The following TOMM40L variants were observed in gnomAD, a reference collection of about 807,000 sequenced individuals.
The protein encoded by TOMM40L is mitochondrial import receptor subunit TOM40B.
Under a neutral mutation model 38.3 loss-of-function variants are expected in TOMM40L, and 17 were observed. The ratio of observed to expected loss-of-function variants is 0.44; its 90% CI spans 0.30 to 0.67. The LOEUF (loss-of-function observed/expected upper bound fraction) is 0.67. Among genes scored for constraint, TOMM40L ranks in the 30% least tolerant of loss-of-function variants. The pLI is 0.08. For synonymous variants in TOMM40L, 151 were observed against 150.2 expected, an observed-to-expected ratio of 1.01 and a Z score of -0.04; for missense variants, 294 against 390.0, an observed-to-expected ratio of 0.75 and a Z score of 2.07.
Position 161,226,514 on chromosome 1 carries a change from C to G in TOMM40L, c.25C>G (p.Pro9Ala), listed in dbSNP as rs1478118661. Residue 9 changes from proline (P) to alanine (A), a missense_variant, in exon 2 of 10, where the codon CCA becomes GCA. Pro to Ala is a conservative substitution (Grantham distance 27). Transcript: ENST00000367988. ...AATGGGGAACACATTGGGCCTGGCA[C>G]CAATGGGGACTTTGCCCCGCCGGAG... MGNTLGLAPMGTLPRRSPR... is the reference protein window; with the variant it reads MGNTLGLAAMGTLPRRSPR... 6.2e-7 allele frequency: 1 copy of G among 1,613,956 alleles called. No individual in the cohort carries two copies. Among genetic ancestry groups the G allele is most frequent in the Non-Finnish European group, 8.5e-7 (1 of 1,180,010 alleles).
intron 3 of TOMM40L, 77 bp from the exon 4 acceptor site, chr1:161,227,181 G>C: frequency 4.8e-6 from 7 of 1,445,148 alleles, no homozygotes; most frequent in Non-Finnish European, 6.8e-6. Flanking sequence ...TCTGGATGGG[G>C]AAAAGACTAA....
In TOMM40L at chr1:161,228,697, C is replaced by T. The variant is rs1375583940; in HGVS notation, c.685-18C>T. On this transcript the variant is annotated intron_variant, in intron 8 of 9. Coordinates refer to ENST00000367988, the MANE Select transcript of TOMM40L (RefSeq NM_032174.6). ...CACTGATACTGATCTCTCTCTCATC[C>T]TTGCCCATGGTTCTCAGGTTCAGGT... 1 of 1,608,416 alleles carries T rather than the reference C, an allele frequency of 6.2e-7. No homozygotes were observed. The highest frequency in any genetic ancestry group is 2.2e-5 in the East Asian group (1 of 44,888).
Position 161,229,068 on chromosome 1 carries a change from T to A in TOMM40L, c.900T>A (p.His300Gln). The change falls in exon 10 of 10, where the codon CAT (histidine) becomes CAA (glutamine). Residue 300 changes from histidine (H) to glutamine (Q), a missense_variant. His to Gln is a conservative substitution (Grantham distance 24). Transcript: ENST00000367988. ...AFLNHWRNRF[H>Q]CGFSITVG is the part of the protein sequence containing the mutation. Reference sequence around the variant, plus strand: ...TCAATCACTGGCGCAACAGATTCCATTGTGGCTTCAGCATCACTGTGGGCT... The same window carrying A: ...TCAATCACTGGCGCAACAGATTCCAATGTGGCTTCAGCATCACTGTGGGCT... The A allele has an allele frequency of 6.2e-7, 1 of 1,614,144 alleles. No homozygotes were observed. Among genetic ancestry groups the A allele is most frequent in the Non-Finnish European group, 8.5e-7 (1 of 1,180,006 alleles).
chr1:161,226,463 C>T lies in TOMM40L; in HGVS notation c.-27C>T, dbSNP rs1414511916. Reference sequence around the variant, plus strand: ...ATAGCGTCCTTTCACAGGCTAACCTCGGCTCTTCCCAGTCCTCTGGACTAA... The same window carrying T: ...ATAGCGTCCTTTCACAGGCTAACCTTGGCTCTTCCCAGTCCTCTGGACTAA... On this transcript the variant is annotated 5_prime_UTR_variant, in exon 2 of 10. Transcript: ENST00000367988. The T allele has an allele frequency of 6.3e-7, 1 of 1,599,304 alleles. No individual in the cohort carries two copies. Among genetic ancestry groups the T allele is most frequent in the Non-Finnish European group, 8.5e-7 (1 of 1,169,882 alleles).
chr1:161,228,085 G>T (rs1389284925), intron 6 of TOMM40L, 96 bp downstream of exon 6: 5 of 1,589,326 alleles, frequency 3.1e-6, no homozygotes, highest in Non-Finnish European at 4.3e-6. Context: ...GTTTAGAAAA[G>T]GAACTTCTTG....
At chr1:161,227,042 G>A (rs1666390951) in intron 3 of TOMM40L, 87 bp downstream of exon 3, 2 of 1,523,044 alleles carry the variant, frequency 1.3e-6, no homozygotes, top group East Asian at 4.5e-5. Flanking sequence ...TCCAGCCCTA[G>A]CCAGTCTATG....
intron 5 of TOMM40L, 67 bp from the exon 6 acceptor site, chr1:161,227,817 G>A: frequency 1.2e-6 from 2 of 1,603,042 alleles, no homozygotes; most frequent in Non-Finnish European, 1.7e-6. Flanking sequence ...GGGCTTGGAA[G>A]GAGGAGCAGA....
In TOMM40L at chr1:161,230,336, C is replaced by G. The variant is rs1440865894; in HGVS notation, c.*1241C>G. On this transcript the variant is annotated 3_prime_UTR_variant, in exon 10 of 10. Coordinates refer to ENST00000367988, the MANE Select transcript of TOMM40L (RefSeq NM_032174.6). ...CGAGCAAAACAGAAGCGGTGCATAC[C>G]TCAGAGCCTGGATAAATCACAGACT... 1 of 304,492 alleles carries G rather than the reference C, an allele frequency of 3.3e-6. No individual in the cohort carries two copies. Among genetic ancestry groups the G allele is most frequent in the African/African-American group, 2.2e-5 (1 of 45,532 alleles). 18.9% of individuals were successfully genotyped at this position (304,492 alleles called of 1,614,324 possible). A position where few individuals can be genotyped will look rare whatever the true frequency, so the allele number is the denominator to read the frequency against.
rs1666391781 is a variant in TOMM40L at position 161,227,056 on chromosome 1, G to A, written c.183+101G>A. 11 of 1,439,330 alleles carry A rather than the reference G, an allele frequency of 7.6e-6. No homozygotes were observed. The South Asian group carries it at 9.7e-5, about 13-fold the overall frequency. 89.2% of individuals were successfully genotyped at this position (1,439,330 alleles called of 1,614,324 possible). A position where few individuals can be genotyped will look rare whatever the true frequency, so the allele number is the denominator to read the frequency against. ...CTCCAGCCCTAGCCAGTCTATGTGGGACAAATGAGGGAGGATGTGGGGTTC... is the reference window on the plus strand; with the variant it reads ...CTCCAGCCCTAGCCAGTCTATGTGGAACAAATGAGGGAGGATGTGGGGTTC... On this transcript the variant is annotated intron_variant, in intron 3 of 9. Coordinates refer to ENST00000367988, the MANE Select transcript of TOMM40L (RefSeq NM_032174.6).
At position 161,229,497 on chromosome 1, in the gene TOMM40L, G is replaced by T; in HGVS notation, c.*402G>T. The T allele has an allele frequency of 5.0e-6, 4 of 800,130 alleles. No homozygotes were observed. The highest frequency in any genetic ancestry group is 5.9e-6 in the Non-Finnish European group (3 of 510,786). The allele number at this position is 800,130 out of a possible 1,614,324, so 49.6% of individuals were successfully genotyped here. ...AGCCTCCCAAGGCTGGGAAAGTAGG[G>T]CTGAAGGGCTAGATGTTTGGTCTCA... On this transcript the variant is annotated 3_prime_UTR_variant, in exon 10 of 10. Coordinates refer to ENST00000367988, the MANE Select transcript of TOMM40L (RefSeq NM_032174.6).
Position 161,230,643 on chromosome 1 carries a change from T to C in TOMM40L, c.*1548T>C. ...ACAGCAGTATCCAAATACAGCAATT[T>C]GGATGCTGAAACGATGTGAGACAGG... On this transcript the variant is annotated 3_prime_UTR_variant, in exon 10 of 10. Coordinates refer to ENST00000367988, the MANE Select transcript of TOMM40L (RefSeq NM_032174.6). 1 of 838,472 alleles carries C rather than the reference T, an allele frequency of 1.2e-6. No individual in the cohort carries two copies. The highest frequency in any genetic ancestry group is 1.8e-5 in the South Asian group (1 of 57,142). 51.9% of individuals were successfully genotyped at this position (838,472 alleles called of 1,614,324 possible). A position where few individuals can be genotyped will look rare whatever the true frequency, so the allele number is the denominator to read the frequency against.
In TOMM40L at chr1:161,229,087, G is replaced by A. The variant is rs1180331441; in HGVS notation, c.919G>A (p.Val307Met). 5 of 1,614,156 alleles carry A rather than the reference G, an allele frequency of 3.1e-6. No individual in the cohort carries two copies. The highest frequency in any genetic ancestry group is 4.2e-6 in the Non-Finnish European group (5 of 1,180,018). ...NRFHCGFSIT[V>M]G ...ATTCCATTGTGGCTTCAGCATCACT[G>A]TGGGCTGAGGTTGTCCAGAGCCAGC... is the stretch of plus-strand genomic sequence containing the variant. The change falls in exon 10 of 10, where the codon GTG (valine) becomes ATG (methionine). Residue 307 changes from valine to methionine, a missense_variant. Physicochemically the swap from Val to Met is conservative, Grantham distance 21. Transcript: ENST00000367988.
At chr1:161,227,554 C>A in intron 4 of TOMM40L, 82 bp from the exon 5 acceptor site, 1 of 1,265,786 alleles carries the variant, frequency 7.9e-7, no homozygotes. Context: ...GCGCTGTGCA[C>A]TCTTAATGAA....
chr1:161,229,199 T>A lies in TOMM40L; in HGVS notation c.*104T>A. On this transcript the variant is annotated 3_prime_UTR_variant, in exon 10 of 10. Coordinates refer to ENST00000367988, the MANE Select transcript of TOMM40L (RefSeq NM_032174.6). The stretch of plus-strand genomic sequence containing the variant: ...AGAGCCCACCTTGCTGGGTGATCTC[T>A]AGGACCCAGGAGCAGAGTGGTGGAC... 1 of 1,535,854 alleles carries A rather than the reference T, an allele frequency of 6.5e-7. No homozygotes were observed. Among genetic ancestry groups the A allele is most frequent in the Non-Finnish European group, 8.9e-7 (1 of 1,125,024 alleles).
chr1:161,230,064 A>G lies in TOMM40L; in HGVS notation c.*969A>G. 9.7e-7 allele frequency: 1 copy of G among 1,032,502 alleles called. No individual in the cohort carries two copies. The highest frequency in any genetic ancestry group is 1.4e-6 in the Non-Finnish European group (1 of 710,052). 64.0% of individuals were successfully genotyped at this position (1,032,502 alleles called of 1,614,324 possible). ...ACATTAGAGAAAATCATGCTCTGGT[A>G]TGACAGACTATCAGAGGTTCCAAAG... On this transcript the variant is annotated 3_prime_UTR_variant, in exon 10 of 10. Transcript: ENST00000367988.
chr1:161,230,295 CT>C lies in TOMM40L; in HGVS notation c.*1201del, dbSNP rs1666870349. The C allele has an allele frequency of 6.8e-6, 2 of 293,656 alleles. No individual in the cohort carries two copies. The highest frequency in any genetic ancestry group is 4.4e-5 in the African/African-American group (2 of 45,340). The allele number at this position is 293,656 out of a possible 1,614,324, so 18.2% of individuals were successfully genotyped here. A position where few individuals can be genotyped will look rare whatever the true frequency, so the allele number is the denominator to read the frequency against. ...ATAAAGCATCCCCTTTCTGGCCAAA[CT>C]AGCTCTTGGAGGAACGAGCAAAACA... On this transcript the variant is annotated 3_prime_UTR_variant, in exon 10 of 10. Transcript: ENST00000367988.
intron 5 of TOMM40L, 48 bp downstream of exon 5, chr1:161,227,785 C>T: frequency 6.2e-7 from 1 of 1,605,624 alleles, no homozygotes; most frequent in Non-Finnish European, 8.5e-7. Context: ...CCTCTTTCTC[C>T]TCCACGGGTT....
At chr1:161,228,061 C>T (rs1020722256) in intron 6 of TOMM40L, 72 bp downstream of exon 6, 82 of 1,599,996 alleles carry the variant, frequency 5.1e-5, no homozygotes, top group Non-Finnish European at 7.0e-5. Flanking sequence ...TCTTCATCTT[C>T]TGTACAGTTT....
chr1:161,229,611 A>C lies in TOMM40L; in HGVS notation c.*516A>C. ...TTCCCATCTTCTGTGCTTCCAGAGA[A>C]CAACTTTGTTCCTATGGTCACCCCC... is the stretch of plus-strand genomic sequence containing the variant. On this transcript the variant is annotated 3_prime_UTR_variant, in exon 10 of 10. Coordinates refer to ENST00000367988, the MANE Select transcript of TOMM40L (RefSeq NM_032174.6). The C allele has an allele frequency of 6.2e-7, 1 of 1,601,154 alleles. No individual in the cohort carries two copies. The highest frequency in any genetic ancestry group is 8.5e-7 in the Non-Finnish European group (1 of 1,173,004).
Sources: gnomAD v4.1 joint callset for allele counts on GRCh38, gnomAD v4.1.1 for gene constraint, MANE v1.5 for transcripts, NCBI Gene and HGNC (gene_info 2026-07-23, HGNC 2026-07-21) for gene names.